The following PTPRA variants were observed in gnomAD, a reference collection of about 807,000 sequenced individuals.
PTPRA encodes receptor-type tyrosine-protein phosphatase alpha.
Under a neutral mutation model 104.8 loss-of-function variants are expected in PTPRA, and 25 were observed. The ratio of observed to expected loss-of-function variants is 0.24; its 90% CI spans 0.17 to 0.33. The LOEUF (loss-of-function observed/expected upper bound fraction) is 0.33, where lower values mean the gene tolerates loss of function less well. Among genes scored for constraint, PTPRA ranks in the 10% least tolerant of loss-of-function variants. The pLI, the probability that PTPRA is intolerant of heterozygous loss-of-function variation, is 1.00. For synonymous variants in PTPRA, 323 were observed against 368.9 expected (o/e 0.88, Z 1.43); for missense variants, 765 against 1,015.3 (o/e 0.75, Z 3.35).
chr20:2,967,613 C>G (rs936057099), intron 5 of PTPRA, among the ~76,000 whole-genome samples: 1 of 152,172 alleles, frequency 6.6e-6, no homozygotes, highest in African/African-American at 2.4e-5. Flanking sequence ...GTAATCCCAG[C>G]ACTTTGGGAG....
intron 9 of PTPRA, among the ~76,000 whole-genome samples, chr20:2,996,545 T>A (rs2063401500): frequency 6.6e-6 from 1 of 152,236 alleles, no homozygotes; most frequent in African/African-American, 2.4e-5. Flanking sequence ...ATGTGAAACA[T>A]CTTTGTGACA....
rs1491043024 is a variant in PTPRA at position 3,008,743 on chromosome 20, AAC to A, written c.906+1325_906+1326del. Among the ~76,000 whole-genome samples the A allele has an allele frequency of 7.1e-4, 84 of 118,252 alleles. 2 individuals carry two copies. Among genetic ancestry groups the A allele is most frequent in the Middle Eastern group, 3.9e-3 (1 of 256 alleles). 77.6% of individuals were successfully genotyped at this position (118,252 alleles called of 152,430 possible). A position where few individuals can be genotyped will look rare whatever the true frequency, so the allele number is the denominator to read the frequency against. On this transcript the variant is annotated intron_variant, in intron 11 of 23. Coordinates refer to ENST00000399903, the MANE Select transcript of PTPRA (RefSeq NM_001385305.1). ...TCATCTCTACTAAAAAAAAAAAAAAAACAAAAAAAAAAAAAACAACTTAGCCG... is the reference window on the plus strand; with the variant it reads ...TCATCTCTACTAAAAAAAAAAAAAAAAAAAAAAAAAAAAACAACTTAGCCG...
chr20:2,997,118 A>G, intron 9 of PTPRA, among the ~76,000 whole-genome samples: 1 of 134,494 alleles, frequency 7.4e-6, no homozygotes, highest in Non-Finnish European at 1.6e-5. Flanking sequence ...TCTAAGTTAT[A>G]TTGTTATGTG....
At chr20:2,999,679 T>C (rs764543732) in intron 9 of PTPRA, among the ~76,000 whole-genome samples, 9 of 152,176 alleles carry the variant, frequency 5.9e-5, no homozygotes, top group Non-Finnish European at 1.3e-4. Flanking sequence ...ATTGAATGCT[T>C]GTCACATATC....
intron 2 of PTPRA, among the ~76,000 whole-genome samples, chr20:2,935,342 A>G (rs748628343): frequency 1.1e-4 from 16 of 152,226 alleles, no homozygotes; most frequent in Non-Finnish European, 1.9e-4. Flanking sequence ...TTTAAGGCTG[A>G]ATAGTGTTCC....
rs1263400914 is a variant in PTPRA at position 2,950,744 on chromosome 20, G to A, written c.-7+2720G>A. On this transcript the variant is annotated intron_variant, in intron 3 of 23. Coordinates refer to ENST00000399903, the MANE Select transcript of PTPRA (RefSeq NM_001385305.1). This position sits in a 1 kb window ranked among gnomAD's most constrained non-coding sequence, Gnocchi z 4.0. Reference sequence around the variant, plus strand: ...TTTCATTTTTATTATACAATAAAATGAAATTCTTTTCATTGTATTTCTTTT... The same window carrying A: ...TTTCATTTTTATTATACAATAAAATAAAATTCTTTTCATTGTATTTCTTTT... Among the ~76,000 whole-genome samples the A allele has an allele frequency of 6.6e-6, 1 of 151,924 alleles. No individual in the cohort carries two copies. Among genetic ancestry groups the A allele is most frequent in the Non-Finnish European group, 1.5e-5 (1 of 67,972 alleles).
chr20:2,979,976 G>A (rs763380844), intron 6 of PTPRA, among the ~76,000 whole-genome samples: 4 of 152,098 alleles, frequency 2.6e-5, no homozygotes, highest in South Asian at 4.1e-4. Flanking sequence ...GCAATGGCAC[G>A]ATCTCGGTTC....
intron 1 of PTPRA, among the ~76,000 whole-genome samples, chr20:2,879,161 G>C (rs923606459): frequency 6.6e-6 from 1 of 152,146 alleles, no homozygotes; most frequent in Non-Finnish European, 1.5e-5. Flanking sequence ...ATAGGGTGTC[G>C]GGAGTGTCAG....
chr20:2,953,582 A>G (rs1474444164), intron 3 of PTPRA, among the ~76,000 whole-genome samples: 3 of 150,660 alleles, frequency 2.0e-5, no homozygotes, highest in Non-Finnish European at 4.4e-5. Context: ...TAGCCATCCT[A>G]ATGGGTATGA....
chr20:2,917,428 A>G (rs192175223), intron 1 of PTPRA, among the ~76,000 whole-genome samples: 1 of 151,866 alleles, frequency 6.6e-6, no homozygotes, highest in East Asian at 1.9e-4. Context: ...CCCTTCTCCT[A>G]TTTCCTGTCT....
At chr20:2,895,642 A>G (rs1283005966) in intron 1 of PTPRA, among the ~76,000 whole-genome samples, 1 of 152,046 alleles carries the variant, frequency 6.6e-6, no homozygotes, top group Non-Finnish European at 1.5e-5. Context: ...TCAGCCTCCC[A>G]AGTAGCTGGG....
At chr20:2,884,286 C>T (rs943759753) in intron 1 of PTPRA, among the ~76,000 whole-genome samples, 5 of 152,032 alleles carry the variant, frequency 3.3e-5, no homozygotes, top group East Asian at 1.9e-4. Context: ...CTGGGTTAAA[C>T]GGTGACTAAC....
At chr20:2,878,577 G>T (rs1259669272) in intron 1 of PTPRA, among the ~76,000 whole-genome samples, 1 of 152,012 alleles carries the variant, frequency 6.6e-6, no homozygotes, top group East Asian at 1.9e-4. Context: ...ATTATAAATG[G>T]TACTTTTATA....
At chr20:2,987,193 T>C (rs2062946918) in intron 7 of PTPRA, among the ~76,000 whole-genome samples, 1 of 151,974 alleles carries the variant, frequency 6.6e-6, no homozygotes, top group African/African-American at 2.4e-5. Flanking sequence ...CTAGCCCTGC[T>C]GAAGCAACCC....
intron 3 of PTPRA, among the ~76,000 whole-genome samples, chr20:2,953,148 G>T (rs1320582964): frequency 6.6e-6 from 1 of 152,040 alleles, no homozygotes; most frequent in Admixed American, 6.6e-5. Context: ...TATAGTAGTG[G>T]TACCATTTAC....
chr20:3,028,917 C>T (rs1373630083), intron 20 of PTPRA, among the ~76,000 whole-genome samples: 1 of 152,088 alleles, frequency 6.6e-6, no homozygotes, highest in Non-Finnish European at 1.5e-5. Flanking sequence ...AGGGTGCTGT[C>T]CCAGAAAGGG....
chr20:3,026,695 A>G lies in PTPRA; in HGVS notation c.1623A>G (p.Thr541=), dbSNP rs751204478. The G allele has an allele frequency of 2.5e-6, 4 of 1,610,000 alleles. No individual in the cohort carries two copies. The highest frequency in any genetic ancestry group is 3.4e-6 in the Non-Finnish European group (4 of 1,176,308). Residue 541 remains threonine, a synonymous_variant, in exon 18 of 24, where the codon ACA becomes ACG. Transcript: ENST00000399903. Reference sequence around the variant, plus strand: ...TCCCCTTCCCAATTCAGAAGTTAACATCAATCAAAATCCAGAATGACAAGA... The same window carrying G: ...TCCCCTTCCCAATTCAGAAGTTAACGTCAATCAAAATCCAGAATGACAAGA... ...NGLEEEFKKL[T]SIKIQNDKMR... is the part of the protein sequence containing the mutation.
At chr20:2,918,572 A>C (rs2059993013) in intron 1 of PTPRA, among the ~76,000 whole-genome samples, 1 of 152,172 alleles carries the variant, frequency 6.6e-6, no homozygotes, top group South Asian at 2.1e-4. Context: ...TTGGGGTAGG[A>C]GGGTCTGCCA....
intron 1 of PTPRA, among the ~76,000 whole-genome samples, chr20:2,898,190 G>A (rs754617887): frequency 3.3e-5 from 5 of 151,842 alleles, no homozygotes; most frequent in Non-Finnish European, 5.9e-5. Flanking sequence ...TCCGCCTCTC[G>A]GGTTCACGCC....
Sources: gnomAD v4.1 joint callset for allele counts (sites outside exome capture counted in the v4.1 genomes callset) on GRCh38, gnomAD v4.1.1 for gene constraint, Gnocchi (gnomAD v3.1) non-coding constraint, MANE v1.5 for transcripts, NCBI Gene and HGNC (gene_info 2026-07-23, HGNC 2026-07-21) for gene names.